Variants in DCC observed in about 807,000 individuals in gnomAD.
The protein encoded by DCC is netrin receptor DCC.
In DCC, 58 loss-of-function variants were observed where a neutral mutation model predicts 172.5. The ratio of observed to expected loss-of-function variants is 0.34; its 90% CI spans 0.27 to 0.42. The LOEUF (loss-of-function observed/expected upper bound fraction) is 0.42, where lower values mean the gene tolerates loss of function less well. Ranked by LOEUF, DCC falls within the 10% of genes least tolerant of loss-of-function variation. The pLI is 1.00. For synonymous variants in DCC, 709 were observed against 644.5 expected (o/e 1.10, Z -1.52); for missense variants, 1,740 against 1,791.0 (o/e 0.97, Z 0.51).
intron 21 of DCC, among the ~76,000 whole-genome samples, chr18:53,434,149 T>C (rs1285076782): frequency 6.6e-6 from 1 of 152,218 alleles, no homozygotes; most frequent in Non-Finnish European, 1.5e-5. Context: ...AATCTCTAAA[T>C]GTGAGAAAAC....
chr18:52,757,685 T>C (rs1237510703), intron 2 of DCC, among the ~76,000 whole-genome samples: 1 of 152,160 alleles, frequency 6.6e-6, no homozygotes, highest in Non-Finnish European at 1.5e-5. Context: ...GATTTGTCTT[T>C]GTTAATTTTT....
intron 1 of DCC, among the ~76,000 whole-genome samples, chr18:52,511,768 T>G (rs927080164): frequency 3.9e-5 from 6 of 152,198 alleles, no homozygotes; most frequent in Admixed American, 3.3e-4. Context: ...TCACAGATAT[T>G]AAACAATTTA....
At chr18:52,513,011 T>C (rs1054702940) in intron 1 of DCC, among the ~76,000 whole-genome samples, 2 of 152,070 alleles carry the variant, frequency 1.3e-5, no homozygotes, top group Non-Finnish European at 2.9e-5. Flanking sequence ...AAAATATAGA[T>C]CCTTGTGGGC....
chr18:53,294,181 T>C (rs752449088), intron 12 of DCC, among the ~76,000 whole-genome samples: 1 of 152,260 alleles, frequency 6.6e-6, no homozygotes, highest in African/African-American at 2.4e-5. Context: ...ATGGAACATA[T>C]AAGAAGTGGA....
At chr18:52,737,335 A>G (rs937086176) in intron 1 of DCC, among the ~76,000 whole-genome samples, 7 of 152,144 alleles carry the variant, frequency 4.6e-5, no homozygotes, top group Non-Finnish European at 7.3e-5. Flanking sequence ...ACTTCCAGTT[A>G]CCCAGACATC....
At chr18:53,369,379 A>G (rs888590887) in intron 15 of DCC, among the ~76,000 whole-genome samples, 3 of 151,872 alleles carry the variant, frequency 2.0e-5, no homozygotes, top group Admixed American at 2.0e-4. Flanking sequence ...GAAAAGTTAT[A>G]TTTGCAAAAT....
chr18:53,205,582 G>A (rs1311333550), intron 10 of DCC, among the ~76,000 whole-genome samples: 1 of 152,210 alleles, frequency 6.6e-6, no homozygotes, highest in Admixed American at 6.6e-5. Context: ...GGGCAATAAA[G>A]TGAAGTCAAT....
intron 2 of DCC, among the ~76,000 whole-genome samples, chr18:52,830,646 G>T (rs1168138655): frequency 6.6e-6 from 1 of 152,138 alleles, no homozygotes; most frequent in Non-Finnish European, 1.5e-5. Flanking sequence ...CTCATTTATA[G>T]ATATAATTGT....
chr18:52,372,916 G>A (rs1985185309), intron 1 of DCC, among the ~76,000 whole-genome samples: 2 of 152,106 alleles, frequency 1.3e-5, no homozygotes, highest in Admixed American at 1.3e-4. Context: ...TGTTCGAATG[G>A]AAAATGCAGT....
chr18:53,483,166 C>A (rs1337899196), intron 25 of DCC, among the ~76,000 whole-genome samples: 2 of 151,886 alleles, frequency 1.3e-5, no homozygotes, highest in Non-Finnish European at 1.5e-5. Flanking sequence ...TGGTTTGAAT[C>A]TCTGATTCTT....
chr18:53,109,990 T>C (rs1166738198), intron 7 of DCC, among the ~76,000 whole-genome samples: 3 of 151,606 alleles, frequency 2.0e-5, no homozygotes, highest in East Asian at 1.9e-4. Context: ...CTGTAAACTA[T>C]TGAAAATGAT....
At position 52,416,576 on chromosome 18, in the gene DCC, A is replaced by G. The variant is rs1317119656; in HGVS notation, c.91+75698A>G. Among the ~76,000 whole-genome samples, 3 of 151,544 alleles carry G rather than the reference A, an allele frequency of 2.0e-5. No homozygotes were observed. In the South Asian group the frequency reaches 6.3e-4, roughly 32 times the overall value. ...GTGCTCCTGTATTGGGTGCATATAT[A>G]TTTAGGATAGTTAGCTCTTCTTGTT... On this transcript the variant is annotated intron_variant, in intron 1 of 28. Coordinates refer to ENST00000442544, the MANE Select transcript of DCC (RefSeq NM_005215.4).
chr18:53,043,519 A>C (rs1405334224), intron 5 of DCC, among the ~76,000 whole-genome samples: 2 of 151,938 alleles, frequency 1.3e-5, no homozygotes, highest in Admixed American at 6.6e-5. Context: ...ATTACTTCTC[A>C]TCTGACATTT....
At chr18:53,065,547 A>G (rs2042553548) in intron 6 of DCC, among the ~76,000 whole-genome samples, 1 of 152,180 alleles carries the variant, frequency 6.6e-6, no homozygotes, top group Non-Finnish European at 1.5e-5. Context: ...CACAATATTT[A>G]AAGAATTTTT....
Position 53,206,363 on chromosome 18 carries a change from GTAT to G in DCC, c.1722+1001_1722+1003del, listed in dbSNP as rs1568365012. ...TGTATATATGTATATATACATATAT[GTAT>G]TGTAACACATATATGTATATATGTA... On this transcript the variant is annotated intron_variant, in intron 10 of 28. Coordinates refer to ENST00000442544, the MANE Select transcript of DCC (RefSeq NM_005215.4). Among the ~76,000 whole-genome samples, 63 of 45,918 alleles carry G rather than the reference GTAT, an allele frequency of 1.4e-3. 2 individuals are homozygous for G. Among genetic ancestry groups the G allele is most frequent in the Non-Finnish European group, 2.0e-3 (37 of 18,974 alleles). The allele number at this position is 45,918 out of a possible 152,430, so 30.1% of individuals were successfully genotyped here.
intron 13 of DCC, among the ~76,000 whole-genome samples, chr18:53,310,991 GACACAC>G (rs5825008): frequency 3.8e-4 from 56 of 145,810 alleles, no homozygotes; most frequent in Non-Finnish European, 6.8e-4. Flanking sequence ...AAGCATCTAG[GACACAC>G]ACACACACAC....
Position 53,459,271 on chromosome 18 carries a change from C to A in DCC, c.3432C>A (p.Ser1144Arg). The A allele has an allele frequency of 6.2e-7, 1 of 1,614,092 alleles. No individual in the cohort carries two copies. Among genetic ancestry groups the A allele is most frequent in the Non-Finnish European group, 8.5e-7 (1 of 1,179,996 alleles). Residue 1144 changes from serine to arginine, a missense_variant, in exon 24 of 29, where the codon AGC becomes AGA. By Grantham distance (110) the Ser-to-Arg change is moderately radical. Transcript: ENST00000442544. ...ACAGTGCTGGCAAAAGGAAGGGCAG[C>A]CAGAAGGACCTCCGACCCCCTGATC... ...ATHSAGKRKG[S>R]QKDLRPPDLW...
chr18:53,316,525 T>C (rs1403047572), intron 13 of DCC, among the ~76,000 whole-genome samples: 2 of 151,986 alleles, frequency 1.3e-5, no homozygotes, highest in African/African-American at 2.4e-5. Flanking sequence ...AGGAATAGCA[T>C]TGAATCTATA....
chr18:53,533,131 A>G lies in DCC; in HGVS notation c.*2478A>G, dbSNP rs1305528013. ...ACAATGATGTCACCACAACTTTTGT[A>G]TAACTCTGTTCCCTTTACCCTCAAA... On this transcript the variant is annotated 3_prime_UTR_variant, in exon 29 of 29. Transcript: ENST00000442544. The G allele has an allele frequency of 6.6e-6, 1 of 152,220 alleles. No individual in the cohort carries two copies. Among genetic ancestry groups the G allele is most frequent in the Non-Finnish European group, 1.5e-5 (1 of 68,036 alleles). The allele number at this position is 152,220 out of a possible 1,614,324, so 9.4% of individuals were successfully genotyped here.
Sources: gnomAD v4.1 joint callset for allele counts (sites outside exome capture counted in the v4.1 genomes callset) on GRCh38, gnomAD v4.1.1 for gene constraint, MANE v1.5 for transcripts, NCBI Gene and HGNC (gene_info 2026-07-23, HGNC 2026-07-21) for gene names.